Variants in PTPRG observed in about 807,000 individuals in gnomAD.
The protein encoded by PTPRG is receptor-type tyrosine-protein phosphatase gamma.
In PTPRG, 102 loss-of-function variants were observed where a neutral mutation model predicts 165.3. That is an observed-to-expected ratio of 0.62 (90% CI 0.53 to 0.73). The LOEUF (loss-of-function observed/expected upper bound fraction) is 0.73. Ranked by LOEUF, PTPRG falls within the 30% of genes least tolerant of loss-of-function variation. The pLI is 0.00. For synonymous variants in PTPRG, 675 were observed against 669.5 expected, an observed-to-expected ratio of 1.01 and a Z score of -0.13; for missense variants, 1,866 against 1,861.4, an observed-to-expected ratio of 1.00 and a Z score of -0.05.
intron 2 of PTPRG, among the ~76,000 whole-genome samples, chr3:61,795,855 A>G (rs1334401280): frequency 6.6e-6 from 1 of 152,078 alleles, no homozygotes; most frequent in Non-Finnish European, 1.5e-5. Context: ...TTGCATAGTA[A>G]AAGTTCGTAT....
chr3:61,874,408 G>A (rs1437394975), intron 2 of PTPRG, among the ~76,000 whole-genome samples: 1 of 152,224 alleles, frequency 6.6e-6, no homozygotes. Context: ...AAAGGCACCA[G>A]GATAATTTCA....
intron 28 of PTPRG, among the ~76,000 whole-genome samples, chr3:62,289,315 A>G (rs983846454): frequency 6.6e-6 from 1 of 152,198 alleles, no homozygotes; most frequent in African/African-American, 2.4e-5. Context: ...GTTAGTGATC[A>G]CTAAGAACTG....
rs554498590 is a variant in PTPRG at position 62,245,432 on chromosome 3, T to G, written c.2467+1534T>G. ...TTTCTCCCCTCTGACCTGATTTGTCTGACACAGACTCAGTTGTTTGGTAGC... is the reference window on the plus strand; with the variant it reads ...TTTCTCCCCTCTGACCTGATTTGTCGGACACAGACTCAGTTGTTTGGTAGC... On this transcript the variant is annotated intron_variant, in intron 15 of 29. Coordinates refer to ENST00000474889, the MANE Select transcript of PTPRG (RefSeq NM_002841.4). The surrounding 1 kb of genome is among the most constrained non-coding windows in gnomAD (Gnocchi z 4.2). Among the ~76,000 whole-genome samples, 2 of 152,344 alleles carry G rather than the reference T, an allele frequency of 1.3e-5. No individual in the cohort carries two copies. Among genetic ancestry groups the G allele is most frequent in the African/African-American group, 4.8e-5 (2 of 41,584 alleles).
chr3:62,061,086 C>T (rs1344997864), intron 4 of PTPRG, among the ~76,000 whole-genome samples: 1 of 152,204 alleles, frequency 6.6e-6, no homozygotes, highest in Non-Finnish European at 1.5e-5. Flanking sequence ...ATTTGTGACA[C>T]TGGTCAAATC....
chr3:61,694,472 C>T (rs752888533), intron 1 of PTPRG, among the ~76,000 whole-genome samples: 11 of 152,114 alleles, frequency 7.2e-5, no homozygotes, highest in South Asian at 2.1e-4. Context: ...TGTGTCAGTA[C>T]GAACATGCAT....
At position 62,271,743 on chromosome 3, in the gene PTPRG, T is replaced by G. The variant is rs1210352419; in HGVS notation, c.3182+188T>G. Among the ~76,000 whole-genome samples the G allele has an allele frequency of 6.6e-6, 1 of 152,182 alleles. No homozygotes were observed. The highest frequency in any genetic ancestry group is 1.5e-5 in the Non-Finnish European group (1 of 68,034). On this transcript the variant is annotated intron_variant, in intron 21 of 29. Coordinates refer to ENST00000474889, the MANE Select transcript of PTPRG (RefSeq NM_002841.4). This position sits in a 1 kb window ranked among gnomAD's most constrained non-coding sequence, Gnocchi z 4.1. ...GTAACATTAAGAAATCATCTGCTGC[T>G]TCTGTGATTTTTAAAAAACTAGATC...
At chr3:62,291,501 T>A (rs1702897119) in intron 28 of PTPRG, among the ~76,000 whole-genome samples, 2 of 152,060 alleles carry the variant, frequency 1.3e-5, no homozygotes, top group Non-Finnish European at 2.9e-5. Context: ...GTAATAATTT[T>A]TACCTCTGGA....
At chr3:62,078,582 AAAG>A (rs999008569) in intron 5 of PTPRG, among the ~76,000 whole-genome samples, 2 of 152,130 alleles carry the variant, frequency 1.3e-5, no homozygotes, top group African/African-American at 4.8e-5. Context: ...ATATAAAAAA[AAAG>A]GTGTTTTTTT....
chr3:61,632,017 A>G (rs1201807755), intron 1 of PTPRG, among the ~76,000 whole-genome samples: 1 of 152,196 alleles, frequency 6.6e-6, no homozygotes, highest in Non-Finnish European at 1.5e-5. Context: ...TCAAAAATCT[A>G]TAGTCAGCTG....
intron 2 of PTPRG, among the ~76,000 whole-genome samples, chr3:61,916,488 T>G (rs911294326): frequency 8.5e-5 from 13 of 152,276 alleles, no homozygotes; most frequent in African/African-American, 3.1e-4. Flanking sequence ...GTGACAAAAC[T>G]GTGCTGAGAA....
At chr3:61,909,827 A>G (rs1449608093) in intron 2 of PTPRG, among the ~76,000 whole-genome samples, 1 of 152,234 alleles carries the variant, frequency 6.6e-6, no homozygotes, top group Non-Finnish European at 1.5e-5. Context: ...GTATACAATA[A>G]TATACCAAGT....
intron 2 of PTPRG, among the ~76,000 whole-genome samples, chr3:61,779,025 A>T (rs1423399911): frequency 6.6e-6 from 1 of 152,136 alleles, no homozygotes; most frequent in Non-Finnish European, 1.5e-5. Flanking sequence ...AATCCTAAGG[A>T]TGATGAAAAA....
intron 4 of PTPRG, among the ~76,000 whole-genome samples, chr3:62,040,050 C>T (rs1190213770): frequency 6.6e-6 from 1 of 152,212 alleles, no homozygotes; most frequent in Non-Finnish European, 1.5e-5. Flanking sequence ...CAGCCGACAA[C>T]CAGCTCTAAG....
chr3:62,216,228 A>G (rs1700500990), intron 12 of PTPRG, among the ~76,000 whole-genome samples: 1 of 151,738 alleles, frequency 6.6e-6, no homozygotes, highest in Non-Finnish European at 1.5e-5. Flanking sequence ...GAAAAAAAAA[A>G]AAAATGATAG....
chr3:61,583,829 G>A lies in PTPRG; in HGVS notation c.85+21457G>A, dbSNP rs57569303. 3.6e-3 allele frequency among the ~76,000 whole-genome samples: 543 copies of A among 152,224 alleles called. 2 individuals are homozygous for A. The highest frequency in any genetic ancestry group is 0.012 in the African/African-American group (510 of 41,536). The stretch of plus-strand genomic sequence containing the variant: ...TCAAAGCTGGATTGTTTGGTTCTTG[G>A]TTGGTGTCTCTGAGATGTCCAAGGT... On this transcript the variant is annotated intron_variant, in intron 1 of 29. Transcript: ENST00000474889.
chr3:61,886,287 A>AC (rs1177635235), intron 2 of PTPRG, among the ~76,000 whole-genome samples: 3 of 152,298 alleles, frequency 2.0e-5, no homozygotes, highest in African/African-American at 7.2e-5. Flanking sequence ...GGAGGTTAAA[A>AC]CTGTTACTTT....
At chr3:61,626,011 G>GTT (rs1368296932) in intron 1 of PTPRG, among the ~76,000 whole-genome samples, 5 of 117,860 alleles carry the variant, frequency 4.2e-5, no homozygotes, top group African/African-American at 1.1e-4. Context: ...GGGTTTGTTT[G>GTT]TTTTTTTTTT....
At chr3:62,274,149 AT>A (rs749148588) in intron 23 of PTPRG, among the ~76,000 whole-genome samples, 24 of 152,166 alleles carry the variant, frequency 1.6e-4, no homozygotes, top group Admixed American at 1.3e-3. Flanking sequence ...AGTCCAAAAA[AT>A]GTCCTATTTT....
chr3:61,643,267 GAGAGAGAGAA>G (rs1289287423), intron 1 of PTPRG, among the ~76,000 whole-genome samples: 5 of 151,024 alleles, frequency 3.3e-5, no homozygotes, highest in African/African-American at 1.2e-4. Flanking sequence ...TGGGGAGAGA[GAGAGAGAGAA>G]AGAGAGAGAG....
Sources: gnomAD v4.1 joint callset for allele counts (sites outside exome capture counted in the v4.1 genomes callset) on GRCh38, gnomAD v4.1.1 for gene constraint, Gnocchi (gnomAD v3.1) non-coding constraint, MANE v1.5 for transcripts, NCBI Gene and HGNC (gene_info 2026-07-23, HGNC 2026-07-21) for gene names.